The following PRKDC variants were observed in gnomAD, a reference collection of about 807,000 sequenced individuals.
The protein encoded by PRKDC is DNA-dependent protein kinase catalytic subunit.
In PRKDC, 82 loss-of-function variants were observed where a neutral mutation model predicts 486.9. The observed-to-expected ratio is 0.17, with a 90% CI of 0.14 to 0.20. The LOEUF is 0.20. PRKDC is among the 10% of genes least tolerant of loss of function. The pLI, the probability that PRKDC is intolerant of heterozygous loss-of-function variation, is 1.00. For missense variants in PRKDC, 4,504 were observed against 5,038.2 expected, an observed-to-expected ratio of 0.89 and a Z score of 3.21; for synonymous variants, 1,895 against 1,837.0, an observed-to-expected ratio of 1.03 and a Z score of -0.81.
intron 21 of PRKDC, among the ~76,000 whole-genome samples, chr8:47,925,584 C>CTATT: frequency 6.6e-6 from 1 of 152,312 alleles, no homozygotes; most frequent in East Asian, 1.9e-4. Flanking sequence ...AAAAATGTGC[C>CTATT]TATTGACTGT....
chr8:47,853,164 T>G (rs1362308979), intron 51 of PRKDC, among the ~76,000 whole-genome samples: 1 of 152,164 alleles, frequency 6.6e-6, no homozygotes, highest in Non-Finnish European at 1.5e-5. Context: ...AAGAGCATAC[T>G]CCCAGTGCCG....
intron 80 of PRKDC, among the ~76,000 whole-genome samples, chr8:47,780,523 T>C (rs1010121109): frequency 1.3e-5 from 2 of 152,262 alleles, no homozygotes; most frequent in African/African-American, 2.4e-5. Context: ...ACGTGTGACT[T>C]AGCAATTCAA....
In PRKDC at chr8:47,907,999, T is replaced by G. The variant is rs944045584; in HGVS notation, c.2935-3023A>C. ...AACCCTACAGCTAGAAATGCAAGTA[T>G]TTCTAAATTATGACTACCATACAGA... is the stretch of plus-strand genomic sequence containing the variant. On this transcript the variant is annotated intron_variant, in intron 25 of 85. Coordinates refer to ENST00000314191, the MANE Select transcript of PRKDC (RefSeq NM_006904.7). Among the ~76,000 whole-genome samples, 3 of 152,162 alleles carry G rather than the reference T, an allele frequency of 2.0e-5. No homozygotes were observed. In the South Asian group the frequency reaches 6.2e-4, roughly 31 times the overall value.
chr8:47,812,164 G>A (rs897383943), intron 68 of PRKDC, among the ~76,000 whole-genome samples: 1 of 152,148 alleles, frequency 6.6e-6, no homozygotes, highest in African/African-American at 2.4e-5. Context: ...AGTAAAGGCA[G>A]AAACAGACAA....
chr8:47,927,626 A>T, intron 20 of PRKDC, 145 bp downstream of exon 20: 1 of 1,113,796 alleles, frequency 9.0e-7, no homozygotes, highest in Non-Finnish European at 1.2e-6. Context: ...TCCCAAAGCC[A>T]GTAAGTGGCA....
intron 68 of PRKDC, among the ~76,000 whole-genome samples, chr8:47,812,302 C>A (rs1482379997): frequency 6.6e-6 from 1 of 152,146 alleles, no homozygotes; most frequent in Non-Finnish European, 1.5e-5. Context: ...ATTTATAAAA[C>A]CTGATACCCA....
intron 68 of PRKDC, among the ~76,000 whole-genome samples, chr8:47,815,934 G>C (rs955933348): frequency 3.3e-5 from 5 of 152,184 alleles, no homozygotes; most frequent in Non-Finnish European, 7.3e-5. Flanking sequence ...ACCAGGCTGG[G>C]CATGGTAAGT....
At chr8:47,959,861 G>C in intron 1 of PRKDC, 112 bp downstream of exon 1, 1 of 1,450,936 alleles carries the variant, frequency 6.9e-7, no homozygotes, top group Non-Finnish European at 9.1e-7. Flanking sequence ...GAATCTAATT[G>C]CTGTACTTCA....
chr8:47,786,514 G>A lies in PRKDC; in HGVS notation c.10903-1197C>T, dbSNP rs546371860. On this transcript the variant is annotated intron_variant, in intron 76 of 85. Coordinates refer to ENST00000314191, the MANE Select transcript of PRKDC (RefSeq NM_006904.7). ...GTCATTTAACCTCTGTGCACTCATT[G>A]TCTAGTTAGTGGTCTACATCATTAT... Among the ~76,000 whole-genome samples the A allele has an allele frequency of 1.5e-3, 223 of 152,212 alleles. 3 individuals are homozygous for A. In the South Asian group the frequency reaches 0.045, roughly 31 times the overall value.
chr8:47,795,646 A>T (rs1324392334), intron 73 of PRKDC, among the ~76,000 whole-genome samples: 1 of 151,666 alleles, frequency 6.6e-6, no homozygotes, highest in African/African-American at 2.4e-5. Flanking sequence ...AACACTCGTC[A>T]CCATACCCAG....
chr8:47,835,200 T>C (rs2087987539), intron 58 of PRKDC, among the ~76,000 whole-genome samples: 1 of 152,220 alleles, frequency 6.6e-6, no homozygotes, highest in Admixed American at 6.5e-5. Context: ...GTTTAATAAC[T>C]ATAAATCTAG....
rs768585182 is a variant in PRKDC at position 47,913,988 on chromosome 8, A to G, written c.2694T>C (p.Phe898=). ...GGAAAATGACAGGTTTCATCTCTCT[A>G]AAGGGCACTGCAAAGCTCAGCCGCT... is the stretch of plus-strand genomic sequence containing the variant. The part of the protein sequence containing the change: ...REKRLSFAVP[F]REMKPVIFLD... Residue 898 remains phenylalanine (F), a synonymous_variant, in exon 24 of 86, where the codon TTT becomes TTC. Coordinates refer to ENST00000314191, the MANE Select transcript of PRKDC (RefSeq NM_006904.7). 6.2e-7 allele frequency: 1 copy of G among 1,609,416 alleles called. No individual in the cohort carries two copies. Among genetic ancestry groups the G allele is most frequent in the Non-Finnish European group, 8.5e-7 (1 of 1,177,572 alleles).
In PRKDC at chr8:47,893,338, A is replaced by T. The variant is rs750205056; in HGVS notation, c.3648T>A (p.Gly1216=). The change falls in exon 31 of 86, where the codon GGT becomes GGA. Residue 1216 remains glycine (G), a synonymous_variant. Coordinates refer to ENST00000314191, the MANE Select transcript of PRKDC (RefSeq NM_006904.7). ...CAAAGGTGTTGATGAGAAAAGAGAC[A>T]CCTTCTTCCTTGAGAACATCTTTCA... ...LWLKDVLKEE[G]VSFLINTFEG... 5.1e-6 allele frequency: 8 copies of T among 1,571,674 alleles called. No homozygotes were observed. In the Admixed American group the frequency reaches 1.4e-4, roughly 28 times the overall value.
chr8:47,799,307 G>C lies in PRKDC; in HGVS notation c.10200C>G (p.Ser3400=), dbSNP rs375571553. The change falls in exon 72 of 86, where the codon TCC becomes TCG. Residue 3400 remains serine (S), a synonymous_variant. Coordinates refer to ENST00000314191, the MANE Select transcript of PRKDC (RefSeq NM_006904.7). The part of the protein sequence containing the change: ...QAAEEEAQPP[S]WSCGPAAGVI... Reference sequence around the variant, plus strand: ...CCCCAGCTGCAGGCCCACAGCTCCAGGAGGGAGGCTGGGCCTCCTCCTCAG... The same window carrying C: ...CCCCAGCTGCAGGCCCACAGCTCCACGAGGGAGGCTGGGCCTCCTCCTCAG... 1.9e-6 allele frequency: 3 copies of C among 1,613,282 alleles called. No homozygotes were observed. The African/African-American group carries it at 4.0e-5, about 22-fold the overall frequency.
At chr8:47,879,767 A>G (rs754366881) in intron 38 of PRKDC, 109 bp from the exon 39 acceptor site, 71 of 865,098 alleles carry the variant, frequency 8.2e-5, no homozygotes, top group Non-Finnish European at 1.1e-4. Context: ...TGTGGAATCA[A>G]TGAATGGCTT....
Position 47,798,319 on chromosome 8 carries a change from T to A in PRKDC, c.10376A>T (p.Asn3459Ile). Residue 3459 changes from asparagine to isoleucine, a missense_variant, in exon 73 of 86, where the codon AAT becomes ATT. By Grantham distance (149) the Asn-to-Ile change is moderately radical. Transcript: ENST00000314191. ...KMLKALKLNS[N>I]EARLKFPRLL... ...TCTAGGAAACTTCAATCTGGCTTCA[T>A]TGGAATTTAATTTTAAAGCTTTCAA... 6.2e-7 allele frequency: 1 copy of A among 1,613,614 alleles called. No homozygotes were observed. Among genetic ancestry groups the A allele is most frequent in the Non-Finnish European group, 8.5e-7 (1 of 1,179,742 alleles).
chr8:47,921,148 G>A (rs1403518267), intron 21 of PRKDC, among the ~76,000 whole-genome samples: 8 of 151,992 alleles, frequency 5.3e-5, no homozygotes, highest in African/African-American at 1.7e-4. Flanking sequence ...CCAGCTACTC[G>A]GGAGGCTGCG....
chr8:47,874,652 A>G (rs2089050255), intron 40 of PRKDC, among the ~76,000 whole-genome samples: 1 of 152,074 alleles, frequency 6.6e-6, no homozygotes, highest in Non-Finnish European at 1.5e-5. Context: ...TCAGCTACTC[A>G]GCAGGCTGAG....
chr8:47,874,738 A>G (rs2089051920), intron 40 of PRKDC, among the ~76,000 whole-genome samples: 1 of 151,724 alleles, frequency 6.6e-6, no homozygotes, highest in African/African-American at 2.4e-5. Context: ...ACAAAGTGAG[A>G]CTCTTTTGAC....
Sources: allele counts gnomAD v4.1 joint callset (sites outside exome capture counted in the v4.1 genomes callset), GRCh38; gene constraint gnomAD v4.1.1; transcripts MANE v1.5; gene names NCBI Gene and HGNC (gene_info 2026-07-23, HGNC 2026-07-21).